Variants in CNTN5 observed in about 807,000 individuals in gnomAD.
CNTN5 encodes contactin 5.
A neutral mutation model predicts 129.1 loss-of-function variants in CNTN5; 77 were observed. That is an observed-to-expected ratio of 0.60 (90% confidence interval 0.50 to 0.72). CNTN5 has a LOEUF of 0.72. Ranked by LOEUF, CNTN5 falls within the 30% of genes least tolerant of loss-of-function variation. The pLI, the probability that CNTN5 is intolerant of heterozygous loss-of-function variation, is 0.00. For missense variants in CNTN5, 1,478 were observed against 1,328.8 expected (o/e 1.11, Z -1.75); for synonymous variants, 509 against 465.6 (o/e 1.09, Z -1.20).
intron 1 of CNTN5, among the ~76,000 whole-genome samples, chr11:99,177,143 A>C (rs573084620): frequency 4.6e-5 from 1 of 21,596 alleles, no homozygotes; most frequent in South Asian, 3.1e-3. Context: ...CCTTATTCCA[A>C]GCTTTTTTTC....
At chr11:99,455,502 G>C (rs1205372578) in intron 2 of CNTN5, among the ~76,000 whole-genome samples, 2 of 151,886 alleles carry the variant, frequency 1.3e-5, no homozygotes, top group African/African-American at 4.8e-5. Flanking sequence ...AGTATGCCTG[G>C]GGCAGATATT....
At chr11:99,904,679 A>G (rs1199619201) in intron 6 of CNTN5, among the ~76,000 whole-genome samples, 2 of 152,144 alleles carry the variant, frequency 1.3e-5, no homozygotes, top group Non-Finnish European at 2.9e-5. Context: ...GCTGGGTCAA[A>G]TGGTATTTCT....
At position 99,136,837 on chromosome 11, in the gene CNTN5, C is replaced by A. The variant is rs561667262; in HGVS notation, c.-210+115567C>A. 1.7e-3 allele frequency among the ~76,000 whole-genome samples: 261 copies of A among 152,084 alleles called. 2 individuals are homozygous for A. The highest frequency in any genetic ancestry group is 6.0e-3 in the African/African-American group (249 of 41,494). ...TCATCCCACTGTTGATGAATTTTGG[C>A]AGACACCAAGATCATGTAACATATT... On this transcript the variant is annotated intron_variant, in intron 1 of 24. Transcript: ENST00000524871.
rs78356339 is a variant in CNTN5, at chr11:100,230,721, A to T, written c.2005+5909A>T. 4.3e-3 allele frequency among the ~76,000 whole-genome samples: 649 copies of T among 152,316 alleles called. 15 individuals carry two copies. In the East Asian group the frequency reaches 0.057, roughly 13 times the overall value. Reference sequence around the variant, plus strand: ...AAATACTGAGTGCCTGCCAAAAGCCAGACTCTTTTAGGCACTGATATCTCC... The same window carrying T: ...AAATACTGAGTGCCTGCCAAAAGCCTGACTCTTTTAGGCACTGATATCTCC... On this transcript the variant is annotated intron_variant, in intron 16 of 24. Coordinates refer to ENST00000524871, the MANE Select transcript of CNTN5 (RefSeq NM_014361.4).
chr11:100,335,087 G>A (rs559143858), intron 21 of CNTN5, among the ~76,000 whole-genome samples: 28 of 151,990 alleles, frequency 1.8e-4, no homozygotes, highest in East Asian at 7.8e-4. Flanking sequence ...GGGAGGCTGC[G>A]CATGTGTAGT....
chr11:99,687,419 ATCT>A (rs1953843506), intron 3 of CNTN5, among the ~76,000 whole-genome samples: 1 of 152,172 alleles, frequency 6.6e-6, no homozygotes, highest in African/African-American at 2.4e-5. Flanking sequence ...TGTATGTAAA[ATCT>A]TCTTAAAAAT....
intron 16 of CNTN5, among the ~76,000 whole-genome samples, chr11:100,248,282 C>G (rs1267990323): frequency 6.6e-6 from 1 of 152,114 alleles, no homozygotes; most frequent in African/African-American, 2.4e-5. Context: ...TAGGGTGGCT[C>G]GTGCCTGTAA....
intron 2 of CNTN5, among the ~76,000 whole-genome samples, chr11:99,475,259 A>G (rs1225531609): frequency 6.6e-6 from 1 of 152,184 alleles, no homozygotes; most frequent in Admixed American, 6.5e-5. Context: ...TCCATGTCTC[A>G]TGGCTTGCCT....
intron 9 of CNTN5, among the ~76,000 whole-genome samples, chr11:100,020,698 C>T (rs1941094570): frequency 6.6e-6 from 1 of 152,004 alleles, no homozygotes; most frequent in South Asian, 2.1e-4. Flanking sequence ...CAACAAAAAG[C>T]TATTAGAACC....
At chr11:99,148,929 A>G (rs191596902) in intron 1 of CNTN5, among the ~76,000 whole-genome samples, 9 of 152,208 alleles carry the variant, frequency 5.9e-5, no homozygotes, top group African/African-American at 1.4e-4. Flanking sequence ...AAACCCTTCT[A>G]TCCTCAATTT....
intron 3 of CNTN5, among the ~76,000 whole-genome samples, chr11:99,588,600 C>T (rs1949882260): frequency 1.3e-5 from 2 of 152,102 alleles, no homozygotes; most frequent in African/African-American, 4.8e-5. Context: ...TTTCAACATT[C>T]CACCCTCTGT....
chr11:99,778,221 A>G (rs1445955420), intron 3 of CNTN5, among the ~76,000 whole-genome samples: 1 of 151,760 alleles, frequency 6.6e-6, no homozygotes, highest in Admixed American at 6.6e-5. Flanking sequence ...TTCTTTAGGT[A>G]TGTCCTGCTT....
intron 13 of CNTN5, among the ~76,000 whole-genome samples, chr11:100,127,675 TGAGATGGAGTCTCTC>T: frequency 7.1e-6 from 1 of 140,258 alleles, no homozygotes. Flanking sequence ...TTTTTTTTTT[TGAGATGGAGTCTCTC>T]TCTTGTCACC....
intron 1 of CNTN5, among the ~76,000 whole-genome samples, chr11:99,112,441 A>G (rs577726004): frequency 1.3e-5 from 2 of 151,984 alleles, no homozygotes; most frequent in South Asian, 4.1e-4. Context: ...AATTGAAAGT[A>G]TAAAAACAAA....
chr11:99,402,666 G>A (rs1422232852), intron 2 of CNTN5, among the ~76,000 whole-genome samples: 1 of 152,124 alleles, frequency 6.6e-6, no homozygotes, highest in Admixed American at 6.6e-5. Context: ...TTCTTTAAAT[G>A]TTTGGTAGAA....
intron 9 of CNTN5, among the ~76,000 whole-genome samples, chr11:100,009,230 C>T (rs77891361): frequency 0.01 from 1,583 of 152,188 alleles, 34 homozygotes; most frequent in African/African-American, 0.036. Flanking sequence ...TCTCTACAGG[C>T]TGCTGGAGCA....
At chr11:100,029,794 A>T (rs893329343) in intron 9 of CNTN5, among the ~76,000 whole-genome samples, 1 of 152,130 alleles carries the variant, frequency 6.6e-6, no homozygotes, top group Non-Finnish European at 1.5e-5. Context: ...ATTAAGTTTA[A>T]TTTTAAACAG....
chr11:99,905,677 A>C (rs1464780212), intron 6 of CNTN5, among the ~76,000 whole-genome samples: 6 of 152,168 alleles, frequency 3.9e-5, no homozygotes, highest in Non-Finnish European at 8.8e-5. Context: ...ATGTGTGAAG[A>C]AAGTTAATGG....
intron 17 of CNTN5, among the ~76,000 whole-genome samples, chr11:100,265,029 C>CT (rs1950274575): frequency 1.3e-5 from 2 of 151,750 alleles, no homozygotes; most frequent in South Asian, 4.2e-4. Flanking sequence ...ACATAAATGT[C>CT]TTTTTTTGAG....
Sources: allele counts gnomAD v4.1 joint callset (sites outside exome capture counted in the v4.1 genomes callset), GRCh38; gene constraint gnomAD v4.1.1; transcripts MANE v1.5; gene names NCBI Gene and HGNC (gene_info 2026-07-23, HGNC 2026-07-21).